The following EPHA3 variants were observed in gnomAD, a reference collection of about 807,000 sequenced individuals.
The protein encoded by EPHA3 is EPH receptor A3.
In EPHA3, 42 loss-of-function variants were observed where a neutral mutation model predicts 107.1. The observed-to-expected ratio is 0.39, with a 90% CI of 0.31 to 0.51. The LOEUF is 0.51. Among genes scored for constraint, EPHA3 ranks in the 20% least tolerant of loss-of-function variants. The pLI is 0.78. For synonymous variants in EPHA3, 461 were observed against 424.8 expected (o/e 1.09, Z -1.05); for missense variants, 1,183 against 1,211.2 (o/e 0.98, Z 0.35).
At position 89,380,125 on chromosome 3, in the gene EPHA3, C is replaced by T. The variant is rs112012741; in HGVS notation, c.1307-15712C>T. ...GAATAATATTTTGATGCAATGCATA[C>T]GTCTATGTTGTCCACCATATTAAAA... On this transcript the variant is annotated intron_variant, in intron 5 of 16. Coordinates refer to ENST00000336596, the MANE Select transcript of EPHA3 (RefSeq NM_005233.6). 3.7e-3 allele frequency among the ~76,000 whole-genome samples: 558 copies of T among 152,114 alleles called. 1 individual carries two copies. The highest frequency in any genetic ancestry group is 0.013 in the African/African-American group (539 of 41,492).
At chr3:89,204,297 ATG>A in intron 2 of EPHA3, among the ~76,000 whole-genome samples, 1 of 152,252 alleles carries the variant, frequency 6.6e-6, no homozygotes, top group Middle Eastern at 3.4e-3. Flanking sequence ...GTGGTTGGGT[ATG>A]AATAGTAGCC....
intron 3 of EPHA3, among the ~76,000 whole-genome samples, chr3:89,215,177 A>G (rs1704195323): frequency 6.6e-6 from 1 of 151,948 alleles, no homozygotes; most frequent in Non-Finnish European, 1.5e-5. Flanking sequence ...ATACTTAAGA[A>G]TGGCCCAAAT....
At chr3:89,218,544 C>T (rs1330091551) in intron 3 of EPHA3, among the ~76,000 whole-genome samples, 4 of 151,894 alleles carry the variant, frequency 2.6e-5, no homozygotes, top group South Asian at 2.1e-4. Flanking sequence ...CATTGTTGGA[C>T]ATTTGGGTTG....
intron 3 of EPHA3, among the ~76,000 whole-genome samples, chr3:89,314,855 A>T (rs1489520614): frequency 6.6e-6 from 1 of 151,962 alleles, no homozygotes; most frequent in Non-Finnish European, 1.5e-5. Context: ...AGTACATTCT[A>T]AGAAATGCAT....
chr3:89,379,538 A>G (rs1198241076), intron 5 of EPHA3, among the ~76,000 whole-genome samples: 2 of 152,210 alleles, frequency 1.3e-5, no homozygotes, highest in African/African-American at 4.8e-5. Flanking sequence ...GGAGAAGTAG[A>G]GTAGATATTA....
intron 3 of EPHA3, among the ~76,000 whole-genome samples, chr3:89,282,696 A>T (rs1199266694): frequency 3.9e-5 from 6 of 152,092 alleles, no homozygotes; most frequent in Admixed American, 3.9e-4. Flanking sequence ...TGGGGATTTA[A>T]ATGTAAAAAG....
intron 13 of EPHA3, among the ~76,000 whole-genome samples, chr3:89,448,991 T>TA: frequency 1.3e-5 from 2 of 151,920 alleles, no homozygotes; most frequent in Non-Finnish European, 2.9e-5. Context: ...AATTTTCTTT[T>TA]TTATATATAA....
intron 2 of EPHA3, among the ~76,000 whole-genome samples, chr3:89,138,208 A>G (rs1448378894): frequency 6.7e-6 from 1 of 148,714 alleles, no homozygotes; most frequent in African/African-American, 2.6e-5. Context: ...ACACACAGGA[A>G]GAGAAAAGAC....
At chr3:89,416,199 A>G (rs1448173037) in intron 10 of EPHA3, among the ~76,000 whole-genome samples, 1 of 151,402 alleles carries the variant, frequency 6.6e-6, no homozygotes, top group Non-Finnish European at 1.5e-5. Context: ...TACATTGTGC[A>G]TTTTAATCAG....
chr3:89,182,426 A>G (rs1705461254), intron 2 of EPHA3, among the ~76,000 whole-genome samples: 1 of 151,992 alleles, frequency 6.6e-6, no homozygotes, highest in South Asian at 2.1e-4. Flanking sequence ...AGAGGTAGGA[A>G]TGCATTGATA....
At chr3:89,288,516 G>A (rs1183635286) in intron 3 of EPHA3, among the ~76,000 whole-genome samples, 2 of 152,104 alleles carry the variant, frequency 1.3e-5, no homozygotes, top group East Asian at 3.9e-4. Flanking sequence ...AAGTGTTATA[G>A]GCTTGAGTAT....
chr3:89,454,292 T>G (rs1710055399), intron 15 of EPHA3, among the ~76,000 whole-genome samples: 1 of 152,068 alleles, frequency 6.6e-6, no homozygotes, highest in Non-Finnish European at 1.5e-5. Flanking sequence ...AGACATAAAG[T>G]CAATATTCTG....
chr3:89,229,221 T>C (rs1198820470), intron 3 of EPHA3, among the ~76,000 whole-genome samples: 1 of 151,950 alleles, frequency 6.6e-6, no homozygotes, highest in African/African-American at 2.4e-5. Flanking sequence ...CTGATTCAAA[T>C]TGAAGAAAGA....
At chr3:89,429,933 T>C (rs999826256) in intron 12 of EPHA3, among the ~76,000 whole-genome samples, 2 of 152,078 alleles carry the variant, frequency 1.3e-5, no homozygotes, top group Non-Finnish European at 1.5e-5. Context: ...CTGGCTAGTT[T>C]TTGTATTTTT....
At chr3:89,415,627 C>G (rs1318432489) in intron 10 of EPHA3, among the ~76,000 whole-genome samples, 1 of 150,762 alleles carries the variant, frequency 6.6e-6, no homozygotes. Context: ...TATGAATTAG[C>G]TTCCCACAGT....
chr3:89,395,786 A>G lies in EPHA3; in HGVS notation c.1307-51A>G, dbSNP rs1157633753. 1.9e-6 allele frequency: 3 copies of G among 1,605,596 alleles called. No individual in the cohort carries two copies. The African/African-American group carries it at 4.0e-5, about 21-fold the overall frequency. ...TCTGTTCTTATTCGCCACCCTTTCT[A>G]ACCCATTAATTTGCTTCCTTCCACC... On this transcript the variant is annotated intron_variant, in intron 5 of 16. Transcript: ENST00000336596.
intron 15 of EPHA3, among the ~76,000 whole-genome samples, chr3:89,459,802 C>A (rs568095999): frequency 1.6e-4 from 25 of 152,116 alleles, no homozygotes; most frequent in Non-Finnish European, 1.3e-4. Flanking sequence ...AGAATTCAGG[C>A]TTAAGCCACC....
chr3:89,419,218 G>A lies in EPHA3; in HGVS notation c.1902G>A (p.Glu634=), dbSNP rs2107526761. The change falls in exon 11 of 17, where the codon GAG becomes GAA. Residue 634 remains glutamate (E), a synonymous_variant. Transcript: ENST00000336596. ...DKVVGAGEFG[E]VCSGRLKLPS... ...GCTTTATAACAGGTGAATTTGGAGA[G>A]GTGTGCAGTGGTCGCTTAAAACTTC... 2 of 1,607,132 alleles carry A rather than the reference G, an allele frequency of 1.2e-6. No individual in the cohort carries two copies. The highest frequency in any genetic ancestry group is 1.7e-6 in the Non-Finnish European group (2 of 1,176,300).
chr3:89,254,059 A>G (rs1029348669), intron 3 of EPHA3, among the ~76,000 whole-genome samples: 6 of 152,170 alleles, frequency 3.9e-5, no homozygotes, highest in Non-Finnish European at 8.8e-5. Context: ...ATACAAAATG[A>G]TAGTAGAAAA....
Sources: allele counts gnomAD v4.1 joint callset (sites outside exome capture counted in the v4.1 genomes callset), GRCh38; gene constraint gnomAD v4.1.1; transcripts MANE v1.5; gene names NCBI Gene and HGNC (gene_info 2026-07-23, HGNC 2026-07-21).